Variants in COL21A1 observed in about 807,000 individuals in gnomAD.
The protein encoded by COL21A1 is collagen alpha-1(XXI) chain.
In COL21A1, 149 loss-of-function variants were observed where a neutral mutation model predicts 137.9. The ratio of observed to expected loss-of-function variants is 1.08; its 90% CI spans 0.95 to 1.24. The LOEUF (loss-of-function observed/expected upper bound fraction) is 1.24. COL21A1 is among the 50% of genes most tolerant of loss of function. COL21A1 has a pLI of 0.00. For missense variants in COL21A1, 1,167 were observed against 1,158.4 expected, an observed-to-expected ratio of 1.01 and a Z score of -0.11; for synonymous variants, 456 against 391.5, an observed-to-expected ratio of 1.16 and a Z score of -1.95.
chr6:56,203,189 C>T (rs75101103), intron 1 of COL21A1, among the ~76,000 whole-genome samples: 3,287 of 152,048 alleles, frequency 0.022, 120 homozygotes, highest in African/African-American at 0.075. Context: ...AACTATCTAA[C>T]CTTCCAATTC....
At chr6:56,202,590 T>C (rs1779484088) in intron 1 of COL21A1, among the ~76,000 whole-genome samples, 2 of 152,174 alleles carry the variant, frequency 1.3e-5, no homozygotes, top group Non-Finnish European at 2.9e-5. Flanking sequence ...ATCTCACACT[T>C]AGTCTACAGT....
chr6:56,140,361 C>T (rs1774322813), intron 12 of COL21A1, among the ~76,000 whole-genome samples: 2 of 152,026 alleles, frequency 1.3e-5, no homozygotes, highest in Admixed American at 1.3e-4. Context: ...ATGTGAAGAA[C>T]AAATGTTAAA....
chr6:56,066,957 G>GTA, intron 23 of COL21A1, among the ~76,000 whole-genome samples: 2 of 120,452 alleles, frequency 1.7e-5, no homozygotes, highest in Non-Finnish European at 3.4e-5. Flanking sequence ...AACACACTGT[G>GTA]TGTGTGTATA....
At chr6:56,367,560 G>C (rs928974932) in intron 1 of COL21A1, among the ~76,000 whole-genome samples, 6 of 152,178 alleles carry the variant, frequency 3.9e-5, no homozygotes, top group African/African-American at 1.4e-4. Context: ...ATCCCTCTCA[G>C]ACCCTGAGAA....
intron 3 of COL21A1, among the ~76,000 whole-genome samples, chr6:56,171,800 A>G (rs1197212820): frequency 6.6e-6 from 1 of 151,870 alleles, no homozygotes; most frequent in African/African-American, 2.4e-5. Context: ...TTTCTTAAGA[A>G]TAATCATTAG....
chr6:56,374,947 A>T (rs1216432207), intron 1 of COL21A1, among the ~76,000 whole-genome samples: 13 of 151,958 alleles, frequency 8.6e-5, no homozygotes, highest in East Asian at 1.9e-4. Flanking sequence ...ATTTGCCAGG[A>T]AACTTTGCTG....
At chr6:56,217,237 AAACAACTGGACC>A (rs1465675469) in intron 1 of COL21A1, among the ~76,000 whole-genome samples, 4 of 152,108 alleles carry the variant, frequency 2.6e-5, no homozygotes, top group Non-Finnish European at 5.9e-5. Flanking sequence ...TCCTCTGTCT[AAACAACTGGACC>A]AATAAATAAG....
intron 7 of COL21A1, chr6:56,166,634 A>C: frequency 2.1e-6 from 1 of 486,564 alleles, no homozygotes. Flanking sequence ...CTGGGCGACA[A>C]GAGTGAGACT....
chr6:56,269,086 A>G (rs772796497), intron 1 of COL21A1, among the ~76,000 whole-genome samples: 7 of 152,240 alleles, frequency 4.6e-5, no homozygotes, highest in Non-Finnish European at 1.0e-4. Context: ...TCTAAAATAA[A>G]CAAAACATCT....
chr6:56,084,288 A>T (rs1768041626), intron 17 of COL21A1, among the ~76,000 whole-genome samples: 2 of 151,838 alleles, frequency 1.3e-5, no homozygotes, highest in East Asian at 3.9e-4. Flanking sequence ...ATGAAATGAG[A>T]TAGATTTTAT....
chr6:56,321,814 C>T (rs531140296), intron 1 of COL21A1, among the ~76,000 whole-genome samples: 34 of 152,202 alleles, frequency 2.2e-4, no homozygotes, highest in Middle Eastern at 6.8e-3. Context: ...AGAGAAGTTG[C>T]CAAAGATCTC....
chr6:56,175,350 C>T (rs1189026567), intron 3 of COL21A1, among the ~76,000 whole-genome samples: 1 of 151,514 alleles, frequency 6.6e-6, no homozygotes, highest in East Asian at 1.9e-4. Flanking sequence ...TATCTCTGTT[C>T]ACAGATAGCA....
At chr6:56,383,881 C>T (rs559284419) in intron 1 of COL21A1, among the ~76,000 whole-genome samples, 91 of 152,246 alleles carry the variant, frequency 6.0e-4, no homozygotes, top group Non-Finnish European at 1.1e-3. Flanking sequence ...GTGAGGGATT[C>T]GTTTTGATCC....
intron 1 of COL21A1, among the ~76,000 whole-genome samples, chr6:56,331,160 G>C (rs533328797): frequency 5.3e-5 from 8 of 151,720 alleles, no homozygotes; most frequent in Admixed American, 1.3e-4. Context: ...TTTTTTTCTT[G>C]TTGGATTGTT....
chr6:56,321,290 G>T (rs1043400205), intron 1 of COL21A1, among the ~76,000 whole-genome samples: 5 of 152,228 alleles, frequency 3.3e-5, no homozygotes, highest in Non-Finnish European at 7.4e-5. Flanking sequence ...CCCAAACAAA[G>T]GTGTGCTTGT....
At chr6:56,393,505 AT>A (rs1359478105) in intron 1 of COL21A1, among the ~76,000 whole-genome samples, 2 of 152,162 alleles carry the variant, frequency 1.3e-5, no homozygotes, top group East Asian at 3.9e-4. Flanking sequence ...ATGGAGTCAC[AT>A]TTAAGCTCAA....
intron 1 of COL21A1, among the ~76,000 whole-genome samples, chr6:56,326,588 C>G (rs1765096773): frequency 6.6e-6 from 1 of 151,902 alleles, no homozygotes; most frequent in African/African-American, 2.4e-5. Context: ...TGTGAGATAG[C>G]ATGACAAATC....
intron 12 of COL21A1, among the ~76,000 whole-genome samples, chr6:56,128,087 G>C (rs1773197194): frequency 6.6e-6 from 1 of 152,184 alleles, no homozygotes; most frequent in African/African-American, 2.4e-5. Flanking sequence ...GGCAGGAAAG[G>C]GGACGGCAAA....
intron 1 of COL21A1, among the ~76,000 whole-genome samples, chr6:56,326,603 T>C (rs6932919): frequency 0.18 from 27,659 of 151,892 alleles, 3,751 homozygotes; most frequent in African/African-American, 0.38. Flanking sequence ...CAAATCAAAA[T>C]AACAGTCATG....
Sources: gnomAD v4.1 joint callset for allele counts (sites outside exome capture counted in the v4.1 genomes callset) on GRCh38, gnomAD v4.1.1 for gene constraint, MANE v1.5 for transcripts, NCBI Gene and HGNC (gene_info 2026-07-23, HGNC 2026-07-21) for gene names.